ADAM12: variants seen among roughly 807,000 people sequenced by gnomAD.
ADAM12 encodes disintegrin and metalloproteinase domain-containing protein 12.
ADAM12 carries 70 observed loss-of-function variants against 106.4 expected under a neutral mutation model. The observed-to-expected ratio is 0.66, with a 90% CI of 0.54 to 0.80. ADAM12 has a LOEUF of 0.80. ADAM12 is among the 30% of genes least tolerant of loss of function. The pLI is 0.00. For synonymous variants in ADAM12, 420 were observed against 433.5 expected (o/e 0.97, Z 0.39); for missense variants, 1,010 against 1,171.9 (o/e 0.86, Z 2.02).
chr10:126,153,794 G>A (rs1305694479), intron 4 of ADAM12, among the ~76,000 whole-genome samples: 1 of 152,130 alleles, frequency 6.6e-6, no homozygotes, highest in Non-Finnish European at 1.5e-5. Flanking sequence ...TTATGTCTGG[G>A]CCCATGGGAG....
intron 1 of ADAM12, among the ~76,000 whole-genome samples, chr10:126,333,497 G>C (rs751878077): frequency 6.6e-6 from 1 of 152,186 alleles, no homozygotes; most frequent in Non-Finnish European, 1.5e-5. Context: ...CGTGAAATCC[G>C]GGTCTTCTAG....
At chr10:126,353,224 T>C (rs1396141594) in intron 1 of ADAM12, among the ~76,000 whole-genome samples, 1 of 152,224 alleles carries the variant, frequency 6.6e-6, no homozygotes, top group Non-Finnish European at 1.5e-5. Context: ...TGGATCATTG[T>C]GTAACCAGGA....
chr10:126,129,066 G>A (rs904158018), intron 5 of ADAM12, among the ~76,000 whole-genome samples: 1 of 152,250 alleles, frequency 6.6e-6, no homozygotes, highest in South Asian at 2.1e-4. Context: ...CGATCTGATC[G>A]AGATACCACT....
intron 14 of ADAM12, among the ~76,000 whole-genome samples, chr10:126,052,465 T>C (rs1046858298): frequency 6.6e-6 from 1 of 152,376 alleles, no homozygotes; most frequent in Admixed American, 6.5e-5. Context: ...TTCTTGGGAA[T>C]TGTGACCACT....
chr10:126,209,330 A>G (rs1750629232), intron 3 of ADAM12, among the ~76,000 whole-genome samples: 1 of 152,202 alleles, frequency 6.6e-6, no homozygotes, highest in South Asian at 2.1e-4. Context: ...AGATATGTAA[A>G]TTGTTTCAAA....
Position 126,318,868 on chromosome 10 carries a change from G to A in ADAM12, c.186+11544C>T, listed in dbSNP as rs186747053. 1.8e-3 allele frequency among the ~76,000 whole-genome samples: 273 copies of A among 152,290 alleles called. 1 individual carries two copies. The highest frequency in any genetic ancestry group is 6.0e-3 in the African/African-American group (251 of 41,560). On this transcript the variant is annotated intron_variant, in intron 2 of 22. Transcript: ENST00000448723. ...AGGCCTCACAATCATGGCAGAAGGC[G>A]AAGGGGAAGCAAGACACATCTTACA...
intron 11 of ADAM12, among the ~76,000 whole-genome samples, chr10:126,072,197 A>G (rs928525891): frequency 8.5e-5 from 13 of 152,154 alleles, no homozygotes; most frequent in African/African-American, 2.9e-4. Context: ...CACAGTTGTA[A>G]GAGAATGGAG....
chr10:126,252,047 GGATGGATGA>G (rs1387474922), intron 3 of ADAM12, among the ~76,000 whole-genome samples: 2 of 146,686 alleles, frequency 1.4e-5, no homozygotes, highest in Non-Finnish European at 3.0e-5. Flanking sequence ...TAGATTGGAT[GGATGGATGA>G]GATGGATGAT....
chr10:126,290,091 A>G (rs11244934), intron 2 of ADAM12, among the ~76,000 whole-genome samples: 38,445 of 152,054 alleles, frequency 0.25, 4,992 homozygotes, highest in South Asian at 0.34. Flanking sequence ...ATGTGACAAG[A>G]GGGCTTGACC....
chr10:126,324,591 A>T (rs1854224063), intron 2 of ADAM12, among the ~76,000 whole-genome samples: 1 of 152,220 alleles, frequency 6.6e-6, no homozygotes, highest in Admixed American at 6.5e-5. Context: ...GAATGGAGGA[A>T]GACTAATGAA....
intron 3 of ADAM12, among the ~76,000 whole-genome samples, chr10:126,180,169 C>T (rs1180455216): frequency 6.6e-6 from 1 of 152,184 alleles, no homozygotes; most frequent in Admixed American, 6.5e-5. Context: ...ACCCCAGGTA[C>T]TATTAATATC....
rs75316572 is a variant in ADAM12 at position 126,278,963 on chromosome 10, C to T, written c.212G>A (p.Arg71Gln). ...CAGTTCTTTGCTTTCCCGTTGTAGT[C>T]GAATATTCAGCACTTCTGGATGATT... is the stretch of plus-strand genomic sequence containing the variant. Reference protein sequence around the residue: ...SKNHPEVLNIRLQRESKELII... With the variant: ...SKNHPEVLNIQLQRESKELII... The change falls in exon 3 of 23, where the codon CGA becomes CAA. Residue 71 changes from arginine (R) to glutamine (Q), a missense_variant. This residue lies in a region of ADAM12 where 391 missense variants were observed against 442.9 expected (regional missense o/e 0.88). Coordinates refer to ENST00000448723, the MANE Select transcript of ADAM12 (RefSeq NM_001288973.2). The T allele has an allele frequency of 0.018, 28,368 of 1,612,518 alleles. 408 individuals carry two copies. The highest frequency in any genetic ancestry group is 0.055 in the Admixed American group (3,294 of 59,818).
intron 1 of ADAM12, among the ~76,000 whole-genome samples, chr10:126,384,190 G>C (rs4447079): frequency 0.7 from 106,324 of 152,046 alleles, 37,434 homozygotes; most frequent in African/African-American, 0.76. Context: ...GATCACATCA[G>C]TGACCTGACA....
chr10:126,034,576 T>C (rs1445476867), intron 21 of ADAM12, among the ~76,000 whole-genome samples: 1 of 152,146 alleles, frequency 6.6e-6, no homozygotes, highest in Non-Finnish European at 1.5e-5. Context: ...ATATCAACAA[T>C]TGCATTAAAT....
intron 6 of ADAM12, among the ~76,000 whole-genome samples, chr10:126,111,281 A>G (rs925896915): frequency 2.6e-5 from 4 of 152,216 alleles, no homozygotes; most frequent in African/African-American, 4.8e-5. Context: ...CTTTGTAACT[A>G]TATGTTGTAG....
intron 6 of ADAM12, among the ~76,000 whole-genome samples, chr10:126,113,687 A>AAAAATATATATAT (rs1955920039): frequency 4.1e-5 from 1 of 24,138 alleles, no homozygotes; most frequent in African/African-American, 2.0e-4. Flanking sequence ...AAAAAAAAAA[A>AAAAATATATATAT]ATATATATAT....
intron 3 of ADAM12, among the ~76,000 whole-genome samples, chr10:126,206,514 G>A (rs142064392): frequency 1.3e-5 from 2 of 152,274 alleles, no homozygotes; most frequent in African/African-American, 4.8e-5. Flanking sequence ...CCCCCAGTCT[G>A]CTGCCTCTAG....
chr10:126,015,164 A>G lies in ADAM12; in HGVS notation c.*2115T>C, dbSNP rs1398731599. ...TGGCCCCTAAGTGGCCATTGATGAC[A>G]TGGCATAAGATCACAGTTTTAACCT... On this transcript the variant is annotated 3_prime_UTR_variant, in exon 23 of 23. Coordinates refer to ENST00000448723, the MANE Select transcript of ADAM12 (RefSeq NM_001288973.2). 6.6e-6 allele frequency: 1 copy of G among 152,252 alleles called. No individual in the cohort carries two copies. The highest frequency in any genetic ancestry group is 2.4e-5 in the African/African-American group (1 of 41,474). The allele number at this position is 152,252 out of a possible 1,614,324, so 9.4% of individuals were successfully genotyped here. A position where few individuals can be genotyped will look rare whatever the true frequency, so the allele number is the denominator to read the frequency against.
chr10:126,100,350 G>C lies in ADAM12; in HGVS notation c.911+722C>G, dbSNP rs982550744. Among the ~76,000 whole-genome samples, 17 of 152,192 alleles carry C rather than the reference G, an allele frequency of 1.1e-4. No individual in the cohort carries two copies. In the East Asian group the frequency reaches 2.3e-3, roughly 21 times the overall value. On this transcript the variant is annotated intron_variant, in intron 9 of 22. Coordinates refer to ENST00000448723, the MANE Select transcript of ADAM12 (RefSeq NM_001288973.2). ...AGGAATCTGACAGTATTCACCCAAAGTACTGTCCTTAGATATTGTATAAAC... is the reference window on the plus strand; with the variant it reads ...AGGAATCTGACAGTATTCACCCAAACTACTGTCCTTAGATATTGTATAAAC...
Sources: allele counts gnomAD v4.1 joint callset (sites outside exome capture counted in the v4.1 genomes callset), GRCh38; gene constraint gnomAD v4.1.1; regional missense constraint gnomAD v4.1.1; transcripts MANE v1.5; gene names NCBI Gene and HGNC (gene_info 2026-07-23, HGNC 2026-07-21).